The following PCNX1 variants were observed in gnomAD, a reference collection of about 807,000 sequenced individuals.
The protein encoded by PCNX1 is pecanex-like protein 1.
In PCNX1, 78 loss-of-function variants were observed where a neutral mutation model predicts 242.2. The observed-to-expected ratio is 0.32, with a 90% CI of 0.27 to 0.39. The LOEUF (loss-of-function observed/expected upper bound fraction) is 0.39, where lower values mean the gene tolerates loss of function less well. Ranked by LOEUF, PCNX1 falls within the 10% of genes least tolerant of loss-of-function variation. The pLI is 1.00. For synonymous variants in PCNX1, 1,024 were observed against 1,032.9 expected (o/e 0.99, Z 0.17); for missense variants, 2,581 against 2,856.5 (o/e 0.90, Z 2.20).
chr14:71,042,607 T>A (rs67188216), intron 19 of PCNX1, among the ~76,000 whole-genome samples: 44,504 of 148,920 alleles, frequency 0.3, 6,466 homozygotes, highest in Middle Eastern at 0.4. Flanking sequence ...TGGCTGTTTT[T>A]AAAAAAAAAA....
chr14:71,108,461 C>A, intron 33 of PCNX1, 143 bp from the exon 34 acceptor site: 2 of 564,310 alleles, frequency 3.5e-6, no homozygotes, highest in South Asian at 2.8e-5. Flanking sequence ...TTTTTCTTAA[C>A]TTTAAAAGTT....
chr14:70,959,294 A>T (rs2058114837), intron 2 of PCNX1, among the ~76,000 whole-genome samples: 1 of 150,078 alleles, frequency 6.7e-6, no homozygotes, highest in Non-Finnish European at 1.5e-5. Flanking sequence ...TTAGTTACAT[A>T]TGTATACACA....
chr14:70,953,472 A>AT (rs1051088355), intron 2 of PCNX1, among the ~76,000 whole-genome samples: 1 of 151,250 alleles, frequency 6.6e-6, no homozygotes, highest in East Asian at 1.9e-4. Flanking sequence ...ATTAATAGGA[A>AT]TTTTTTATTT....
chr14:70,974,243 T>G (rs991777457), intron 5 of PCNX1, among the ~76,000 whole-genome samples: 1 of 149,156 alleles, frequency 6.7e-6, no homozygotes, highest in Non-Finnish European at 1.5e-5. Flanking sequence ...TTTTTTTTGT[T>G]GTTTTTTTTT....
intron 19 of PCNX1, among the ~76,000 whole-genome samples, chr14:71,042,439 A>G (rs763867726): frequency 7.3e-5 from 11 of 151,502 alleles, no homozygotes; most frequent in Non-Finnish European, 1.5e-4. Flanking sequence ...GTCTCTTTTC[A>G]TGTCTTTTGA....
intron 1 of PCNX1, among the ~76,000 whole-genome samples, chr14:70,928,222 GT>G (rs1414432615): frequency 2.0e-5 from 3 of 152,102 alleles, no homozygotes; most frequent in Admixed American, 1.3e-4. Flanking sequence ...TGCTCATAAG[GT>G]AATCCCATTA....
At chr14:71,023,144 G>T in intron 12 of PCNX1, 56 bp from the exon 13 acceptor site, 1 of 1,320,374 alleles carries the variant, frequency 7.6e-7, no homozygotes, top group Non-Finnish European at 1.1e-6. Flanking sequence ...TTGAAAGTTG[G>T]TTGTAAAATT....
intron 28 of PCNX1, among the ~76,000 whole-genome samples, chr14:71,080,601 T>C (rs1177624593): frequency 1.3e-5 from 2 of 152,256 alleles, no homozygotes; most frequent in African/African-American, 4.8e-5. Context: ...CCTTGTAAGC[T>C]GTATTCCTAG....
chr14:71,050,117 A>G (rs1256924394), intron 22 of PCNX1, among the ~76,000 whole-genome samples: 1 of 152,152 alleles, frequency 6.6e-6, no homozygotes, highest in Admixed American at 6.5e-5. Flanking sequence ...CTTAGAATAA[A>G]ATAAATATAT....
At chr14:71,016,028 A>G (rs180874212) in intron 11 of PCNX1, among the ~76,000 whole-genome samples, 84 of 152,344 alleles carry the variant, frequency 5.5e-4, no homozygotes, top group Non-Finnish European at 6.9e-4. Context: ...GTTTCTACCA[A>G]AATAAAATAA....
At chr14:71,012,552 C>T (rs936820565) in intron 10 of PCNX1, 5 of 213,268 alleles carry the variant, frequency 2.3e-5, no homozygotes, top group Non-Finnish European at 3.8e-5. Flanking sequence ...AAAGAGTAGG[C>T]TGGGCGCAGT....
At chr14:70,919,853 A>C (rs2056311116) in intron 1 of PCNX1, among the ~76,000 whole-genome samples, 1 of 151,776 alleles carries the variant, frequency 6.6e-6, no homozygotes, top group Admixed American at 6.6e-5. Context: ...GCTTTGTGTT[A>C]CAAGAAAGAA....
intron 30 of PCNX1, among the ~76,000 whole-genome samples, chr14:71,091,685 T>C (rs190796344): frequency 1.3e-5 from 2 of 152,302 alleles, no homozygotes; most frequent in Non-Finnish European, 2.9e-5. Flanking sequence ...TTAAAATTTA[T>C]CAAAACTTAC....
intron 2 of PCNX1, among the ~76,000 whole-genome samples, chr14:70,949,391 A>G (rs536477681): frequency 5.6e-4 from 47 of 84,102 alleles, no homozygotes; most frequent in African/African-American, 1.4e-3. Flanking sequence ...GTATATACAT[A>G]TGTGTGTGTG....
At chr14:70,991,398 G>A (rs960659775) in intron 7 of PCNX1, among the ~76,000 whole-genome samples, 1 of 152,002 alleles carries the variant, frequency 6.6e-6, no homozygotes, top group Non-Finnish European at 1.5e-5. Flanking sequence ...CAGAGATGGG[G>A]TTTCACTATG....
intron 5 of PCNX1, 48 bp downstream of exon 5, chr14:70,969,158 A>G (rs1213958251): frequency 9.3e-7 from 1 of 1,078,654 alleles, no homozygotes; most frequent in African/African-American, 1.6e-5. Flanking sequence ...TGGTGACCAG[A>G]GTTAATTTGT....
chr14:70,950,218 A>G (rs564067921), intron 2 of PCNX1, among the ~76,000 whole-genome samples: 1 of 152,192 alleles, frequency 6.6e-6, no homozygotes, highest in South Asian at 2.1e-4. Context: ...CTTAACATTT[A>G]TTTGCATTGA....
intron 1 of PCNX1, among the ~76,000 whole-genome samples, chr14:70,910,043 T>TCCCCCC (rs1566808213): frequency 2.9e-5 from 1 of 34,896 alleles, no homozygotes; most frequent in Admixed American, 2.7e-4. Context: ...CTCCTCCTCC[T>TCCCCCC]CCTCCTCCTC....
At position 71,019,096 on chromosome 14, in the gene PCNX1, C is replaced by G; in HGVS notation, c.3084C>G (p.Phe1028Leu). Residue 1028 changes from phenylalanine to leucine, a missense_variant, in exon 12 of 36, where the codon TTC (phenylalanine) becomes TTG (leucine). Coordinates refer to ENST00000304743, the MANE Select transcript of PCNX1 (RefSeq NM_014982.3). Reference sequence around the variant, plus strand: ...GATCTATTCTTCTCATACAAGGATTCTTCAGAGATATCTGGGTCTTCCAGT... The same window carrying G: ...GATCTATTCTTCTCATACAAGGATTGTTCAGAGATATCTGGGTCTTCCAGT... ...FLGSILLIQG[F>L]FRDIWVFQFC... 1 of 1,613,446 alleles carries G rather than the reference C, an allele frequency of 6.2e-7. No individual in the cohort carries two copies. The highest frequency in any genetic ancestry group is 8.5e-7 in the Non-Finnish European group (1 of 1,179,580).
Sources: gnomAD v4.1 joint callset for allele counts (sites outside exome capture counted in the v4.1 genomes callset) on GRCh38, gnomAD v4.1.1 for gene constraint, MANE v1.5 for transcripts, NCBI Gene and HGNC (gene_info 2026-07-23, HGNC 2026-07-21) for gene names.